The following WDFY4 variants were observed in gnomAD, a reference collection of about 807,000 sequenced individuals.
WDFY4 encodes WD repeat- and FYVE domain-containing protein 4.
Under a neutral mutation model 351.9 loss-of-function variants are expected in WDFY4, and 169 were observed. The ratio of observed to expected loss-of-function variants is 0.48; its 90% confidence interval spans 0.42 to 0.55. The LOEUF is 0.55. Ranked by LOEUF, WDFY4 falls within the 20% of genes least tolerant of loss-of-function variation. The pLI is 0.00. For missense variants in WDFY4, 3,803 were observed against 3,935.6 expected (o/e 0.97, Z 0.90); for synonymous variants, 1,622 against 1,574.6 (o/e 1.03, Z -0.71).
intron 20 of WDFY4, among the ~76,000 whole-genome samples, chr10:48,787,184 A>G (rs1420916426): frequency 6.6e-6 from 1 of 152,262 alleles, no homozygotes; most frequent in Non-Finnish European, 1.5e-5. Context: ...CTTTTTAACT[A>G]AAGTATACTG....
chr10:48,802,845 C>A (rs2067130752), intron 24 of WDFY4: 1 of 477,532 alleles, frequency 2.1e-6, no homozygotes, highest in Non-Finnish European at 4.3e-6. Flanking sequence ...ATTTCCTGTC[C>A]TGCCACTTGC....
Position 48,720,100 on chromosome 10 carries a change from G to T in WDFY4, c.324G>T (p.Gln108His). 1 of 1,551,894 alleles carries T rather than the reference G, an allele frequency of 6.4e-7. No individual in the cohort carries two copies. The highest frequency in any genetic ancestry group is 8.7e-7 in the Non-Finnish European group (1 of 1,147,034). ...DVSDQLAQQL[Q>H]KALVGKPAEQ... ...CTGACCAGCTTGCCCAGCAACTCCAGAAGGCCCTTGTGGGGAAGCCTGCGG... is the reference window on the plus strand; with the variant it reads ...CTGACCAGCTTGCCCAGCAACTCCATAAGGCCCTTGTGGGGAAGCCTGCGG... Residue 108 changes from glutamine (Q) to histidine (H), a missense_variant, in exon 3 of 62, where the codon CAG becomes CAT. Gln to His is a conservative substitution (Grantham distance 24). Coordinates refer to ENST00000325239, the MANE Select transcript of WDFY4 (RefSeq NM_001394531.1).
chr10:48,694,800 G>C (rs10458720), intron 1 of WDFY4, among the ~76,000 whole-genome samples: 1 of 151,858 alleles, frequency 6.6e-6, no homozygotes, highest in Non-Finnish European at 1.5e-5. Context: ...TTACTGCCAG[G>C]GTCCATCCTT....
In WDFY4 at chr10:48,974,716, T is replaced by A. The variant is rs915722646; in HGVS notation, c.8929-146T>A. On this transcript the variant is annotated intron_variant, in intron 57 of 61. Coordinates refer to ENST00000325239, the MANE Select transcript of WDFY4 (RefSeq NM_001394531.1). ...ACACGCACATGCACACACCCCCAGC[T>A]GCACAGACAACAGACTTGGGAATCA... 13 of 819,726 alleles carry A rather than the reference T, an allele frequency of 1.6e-5. No individual in the cohort carries two copies. The African/African-American group carries it at 1.9e-4, about 12-fold the overall frequency. 50.8% of individuals were successfully genotyped at this position (819,726 alleles called of 1,614,324 possible). A position where few individuals can be genotyped will look rare whatever the true frequency, so the allele number is the denominator to read the frequency against.
Position 48,923,506 on chromosome 10 carries a change from A to ATATATATATATGTATG in WDFY4, c.7587-18293_7587-18292insATATGTATGTATATAT, listed in dbSNP as rs143983467. Among the ~76,000 whole-genome samples, 76 of 115,048 alleles carry ATATATATATATGTATG rather than the reference A, an allele frequency of 6.6e-4. 4 individuals are homozygous for ATATATATATATGTATG. Among genetic ancestry groups the ATATATATATATGTATG allele is most frequent in the Middle Eastern group, 4.5e-3 (1 of 222 alleles). The allele number at this position is 115,048 out of a possible 152,430, so 75.5% of individuals were successfully genotyped here. ...AACAAATAGTTTTTAGTATATATAT[A>ATATATATATATGTATG]TATATATGTCCCAAATACCGCATAG... On this transcript the variant is annotated intron_variant, in intron 47 of 61. Transcript: ENST00000325239.
intron 61 of WDFY4, 129 bp from the exon 62 acceptor site, chr10:48,982,380 G>A (rs973271750): frequency 8.3e-6 from 6 of 720,930 alleles, no homozygotes; most frequent in Non-Finnish European, 1.3e-5. Context: ...CCTGCCTCAA[G>A]GGAGACAAGA....
chr10:48,872,432 C>T (rs1012783812), intron 40 of WDFY4, among the ~76,000 whole-genome samples: 3 of 152,184 alleles, frequency 2.0e-5, no homozygotes, highest in African/African-American at 7.2e-5. Context: ...ATCGAAAATA[C>T]TTGTGGTACC....
At chr10:48,768,168 C>A (rs1001639130) in intron 13 of WDFY4, among the ~76,000 whole-genome samples, 1 of 152,162 alleles carries the variant, frequency 6.6e-6, no homozygotes, top group Admixed American at 6.5e-5. Context: ...GACTTGGGGG[C>A]TTCTCAGATC....
rs2066885147 is a variant in WDFY4, at chr10:48,796,629, G to T, written c.4410+179G>T. Among the ~76,000 whole-genome samples the T allele has an allele frequency of 2.0e-5, 3 of 152,200 alleles. No homozygotes were observed. In the South Asian group the frequency reaches 6.2e-4, roughly 31 times the overall value. The stretch of plus-strand genomic sequence containing the variant: ...TTTGTAATGACATGTGCCACCTATG[G>T]ACTGAGTGGCTTCGGACAAATCTCT... On this transcript the variant is annotated intron_variant, in intron 24 of 61. Coordinates refer to ENST00000325239, the MANE Select transcript of WDFY4 (RefSeq NM_001394531.1).
At chr10:48,876,924 G>A (rs575886990) in intron 42 of WDFY4, 109 bp from the exon 43 acceptor site, 37 of 1,138,944 alleles carry the variant, frequency 3.2e-5, no homozygotes, top group Admixed American at 2.4e-4. Flanking sequence ...TCTTCACTTC[G>A]GCCCTGGAGC....
chr10:48,845,193 A>T (rs2068735129), intron 39 of WDFY4, among the ~76,000 whole-genome samples: 1 of 152,152 alleles, frequency 6.6e-6, no homozygotes, highest in Non-Finnish European at 1.5e-5. Flanking sequence ...CATCATTCCA[A>T]GTTCTTCAGG....
rs1841307232 is a variant in WDFY4 at position 48,951,238 on chromosome 10, A to AAT, written c.7977+4272_7977+4273dup. 2.0e-5 allele frequency among the ~76,000 whole-genome samples: 3 copies of AAT among 152,300 alleles called. No homozygotes were observed. In the South Asian group the frequency reaches 6.2e-4, roughly 32 times the overall value. The stretch of plus-strand genomic sequence containing the variant: ...ACAATAAGATTTTTACAATCCAGAA[A>AAT]ATATGGTATATATATGTACTGTGTG... On this transcript the variant is annotated intron_variant, in intron 51 of 61. Coordinates refer to ENST00000325239, the MANE Select transcript of WDFY4 (RefSeq NM_001394531.1).
intron 58 of WDFY4, among the ~76,000 whole-genome samples, chr10:48,976,353 A>T (rs1196194297): frequency 6.6e-6 from 1 of 152,208 alleles, no homozygotes; most frequent in African/African-American, 2.4e-5. Flanking sequence ...GCACAAGCTT[A>T]TGAGCCACAT....
At chr10:48,936,505 T>A (rs1840368131) in intron 47 of WDFY4, among the ~76,000 whole-genome samples, 1 of 152,050 alleles carries the variant, frequency 6.6e-6, no homozygotes, top group Admixed American at 6.5e-5. Context: ...ACAAGATAAA[T>A]ACATTTTAAA....
intron 51 of WDFY4, among the ~76,000 whole-genome samples, chr10:48,948,319 G>A (rs983465021): frequency 2.6e-5 from 4 of 152,176 alleles, no homozygotes; most frequent in Non-Finnish European, 5.9e-5. Flanking sequence ...GAGAACAAAT[G>A]GTCCCAGAGC....
intron 53 of WDFY4, among the ~76,000 whole-genome samples, chr10:48,963,442 C>T (rs2889709): frequency 0.43 from 65,634 of 152,062 alleles, 14,569 homozygotes; most frequent in East Asian, 0.65. Context: ...GCCTCCGCCT[C>T]CTGACACTCT....
chr10:48,774,020 C>A (rs923835485), intron 13 of WDFY4, among the ~76,000 whole-genome samples: 6 of 152,176 alleles, frequency 3.9e-5, no homozygotes, highest in African/African-American at 1.4e-4. Context: ...GAGGTGCAAG[C>A]CAGCATGGCC....
intron 52 of WDFY4, among the ~76,000 whole-genome samples, chr10:48,958,634 G>T (rs1257891360): frequency 6.6e-6 from 1 of 152,140 alleles, no homozygotes; most frequent in Non-Finnish European, 1.5e-5. Flanking sequence ...GATTTAGTTG[G>T]GTCTCCTGGG....
intron 43 of WDFY4, among the ~76,000 whole-genome samples, chr10:48,883,013 C>T (rs1159469930): frequency 2.0e-5 from 3 of 152,226 alleles, no homozygotes; most frequent in African/African-American, 7.2e-5. Context: ...CTCTCTACTG[C>T]CTCCCAGCTC....
Sources: gnomAD v4.1 joint callset for allele counts (sites outside exome capture counted in the v4.1 genomes callset) on GRCh38, gnomAD v4.1.1 for gene constraint, MANE v1.5 for transcripts, NCBI Gene and HGNC (gene_info 2026-07-23, HGNC 2026-07-21) for gene names.